CSMD1: variants seen among roughly 807,000 people sequenced by gnomAD.
CSMD1 encodes CUB and sushi domain-containing protein 1.
A neutral mutation model predicts 417.5 loss-of-function variants in CSMD1; 213 were observed. The observed-to-expected ratio is 0.51, with a 90% CI of 0.46 to 0.57. The LOEUF (loss-of-function observed/expected upper bound fraction) is 0.57. Ranked by LOEUF, CSMD1 falls within the 20% of genes least tolerant of loss-of-function variation. The pLI is 0.00. For synonymous variants in CSMD1, 2,862 were observed against 1,736.8 expected (o/e 1.65, Z -16.11); for missense variants, 6,923 against 4,529.7 (o/e 1.53, Z -15.17).
chr8:4,929,033 T>A (rs146535465), intron 1 of CSMD1, among the ~76,000 whole-genome samples: 49 of 152,264 alleles, frequency 3.2e-4, no homozygotes, highest in East Asian at 1.2e-3. Context: ...ATTGCACCAC[T>A]GCATTCCAGC....
At chr8:4,210,893 T>G (rs1441520035) in intron 3 of CSMD1, among the ~76,000 whole-genome samples, 1 of 152,168 alleles carries the variant, frequency 6.6e-6, no homozygotes, top group East Asian at 1.9e-4. Flanking sequence ...CAGACCATAT[T>G]TTCTATAAGA....
At chr8:4,922,736 G>A (rs901121785) in intron 1 of CSMD1, among the ~76,000 whole-genome samples, 17 of 152,022 alleles carry the variant, frequency 1.1e-4, no homozygotes, top group African/African-American at 2.7e-4. Context: ...GTGTTCTCAC[G>A]CCCCTAGATT....
chr8:4,105,207 C>G (rs529965112), intron 3 of CSMD1, among the ~76,000 whole-genome samples: 30 of 152,218 alleles, frequency 2.0e-4, no homozygotes, highest in Non-Finnish European at 3.5e-4. Context: ...ATTCCAAGGG[C>G]AGAAAAAGCT....
intron 3 of CSMD1, among the ~76,000 whole-genome samples, chr8:4,209,079 C>G (rs1031343766): frequency 3.9e-5 from 6 of 151,902 alleles, no homozygotes; most frequent in Admixed American, 3.3e-4. Flanking sequence ...CTTTTTTTGT[C>G]CTCTCTTCAC....
intron 3 of CSMD1, among the ~76,000 whole-genome samples, chr8:4,399,276 G>A (rs17070126): frequency 6.6e-6 from 1 of 152,066 alleles, no homozygotes; most frequent in Non-Finnish European, 1.5e-5. Context: ...AGCAACAAAG[G>A]ACCATCATTA....
At chr8:3,118,962 C>T (rs999640102) in intron 41 of CSMD1, among the ~76,000 whole-genome samples, 4 of 152,254 alleles carry the variant, frequency 2.6e-5, no homozygotes, top group African/African-American at 9.6e-5. Flanking sequence ...GGGAGGATCA[C>T]GAGGTCAGGA....
chr8:3,645,625 G>A (rs577780476), intron 7 of CSMD1, among the ~76,000 whole-genome samples: 18 of 152,236 alleles, frequency 1.2e-4, no homozygotes, highest in East Asian at 5.8e-4. Context: ...GGGAAGAGTC[G>A]GCCTTCTGCA....
In CSMD1 at chr8:4,873,938, A is replaced by G. The variant is rs185064952; in HGVS notation, c.85+120394T>C. 6.2e-4 allele frequency among the ~76,000 whole-genome samples: 95 copies of G among 152,274 alleles called. 1 individual carries two copies. Among genetic ancestry groups the G allele is most frequent in the African/African-American group, 2.2e-3 (93 of 41,508 alleles). On this transcript the variant is annotated intron_variant, in intron 1 of 69. Coordinates refer to ENST00000635120, the MANE Select transcript of CSMD1 (RefSeq NM_033225.6). ...GAAAGAAGGAAGTATGGAAGGGGAA[A>G]AAAAGCAAGGAACTATTTCAAGCTA...
At position 4,796,325 on chromosome 8, in the gene CSMD1, A is replaced by C. The variant is rs114882054; in HGVS notation, c.86-158767T>G. On this transcript the variant is annotated intron_variant, in intron 1 of 69. Coordinates refer to ENST00000635120, the MANE Select transcript of CSMD1 (RefSeq NM_033225.6). ...CATGGAGATGAGATGACAAGCGACCAACGTGATGATCTTCACATATCCTCA... is the reference window on the plus strand; with the variant it reads ...CATGGAGATGAGATGACAAGCGACCCACGTGATGATCTTCACATATCCTCA... 2.3e-3 allele frequency among the ~76,000 whole-genome samples: 357 copies of C among 152,236 alleles called. 4 individuals carry two copies. The highest frequency in any genetic ancestry group is 8.3e-3 in the African/African-American group (346 of 41,550).
intron 3 of CSMD1, among the ~76,000 whole-genome samples, chr8:4,040,630 G>C (rs764466152): frequency 3.3e-5 from 5 of 152,118 alleles, no homozygotes; most frequent in African/African-American, 2.4e-5. Context: ...TGTTTTCTTA[G>C]GTAGAATGGA....
intron 5 of CSMD1, among the ~76,000 whole-genome samples, chr8:3,919,247 T>A (rs1183424293): frequency 1.3e-5 from 2 of 150,498 alleles, no homozygotes; most frequent in Non-Finnish European, 3.0e-5. Flanking sequence ...CCAAGGATTT[T>A]TAAAAAATGT....
intron 3 of CSMD1, among the ~76,000 whole-genome samples, chr8:4,198,950 C>A (rs1441273492): frequency 7.5e-6 from 1 of 133,534 alleles, no homozygotes; most frequent in Non-Finnish European, 1.6e-5. Context: ...GTGTATTTAT[C>A]TTTTTTTAAG....
intron 1 of CSMD1, among the ~76,000 whole-genome samples, chr8:4,845,615 C>T (rs1418194517): frequency 6.6e-6 from 1 of 152,182 alleles, no homozygotes; most frequent in Non-Finnish European, 1.5e-5. Flanking sequence ...GTGCCAGGCT[C>T]TCTTTTAGGA....
intron 2 of CSMD1, among the ~76,000 whole-genome samples, chr8:4,599,293 T>C (rs1228336332): frequency 1.3e-5 from 2 of 152,090 alleles, no homozygotes; most frequent in African/African-American, 4.8e-5. Context: ...CTGTGGTGGA[T>C]CATGTGGCTT....
At chr8:4,094,631 G>A (rs1486331574) in intron 3 of CSMD1, among the ~76,000 whole-genome samples, 10 of 151,708 alleles carry the variant, frequency 6.6e-5, no homozygotes, top group Non-Finnish European at 1.3e-4. Flanking sequence ...TGTCACACAT[G>A]TGGGGACACA....
intron 10 of CSMD1, among the ~76,000 whole-genome samples, chr8:3,544,071 G>A (rs1309765290): frequency 6.6e-6 from 1 of 152,112 alleles, no homozygotes; most frequent in Non-Finnish European, 1.5e-5. Flanking sequence ...AGGCCAAGGT[G>A]TGAGAGGTGT....
At chr8:4,441,076 T>G (rs1475236597) in intron 2 of CSMD1, among the ~76,000 whole-genome samples, 2 of 138,582 alleles carry the variant, frequency 1.4e-5, no homozygotes, top group Non-Finnish European at 3.1e-5. Context: ...TCCTAATAAT[T>G]TGACTCGTTA....
chr8:3,606,512 C>CT (rs11432932), intron 8 of CSMD1, among the ~76,000 whole-genome samples: 107,365 of 151,214 alleles, frequency 0.71, 38,820 homozygotes, highest in Non-Finnish European at 0.79. Flanking sequence ...AGGGTACTCC[C>CT]TATGAATGGA....
rs139823826 is a variant in CSMD1, at chr8:3,205,846, C to A, written c.4868-226G>T. Among the ~76,000 whole-genome samples, 418 of 152,188 alleles carry A rather than the reference C, an allele frequency of 2.7e-3. 2 individuals carry two copies. The highest frequency in any genetic ancestry group is 9.5e-3 in the African/African-American group (393 of 41,522). Reference sequence around the variant, plus strand: ...GAAAAACCTAATATTATTTTCAAGACATTTGTCTCAGATGTATTAAAATAA... The same window carrying A: ...GAAAAACCTAATATTATTTTCAAGAAATTTGTCTCAGATGTATTAAAATAA... On this transcript the variant is annotated intron_variant, in intron 30 of 69. Transcript: ENST00000635120.
Sources: allele counts gnomAD v4.1 joint callset (sites outside exome capture counted in the v4.1 genomes callset), GRCh38; gene constraint gnomAD v4.1.1; transcripts MANE v1.5; gene names NCBI Gene and HGNC (gene_info 2026-07-23, HGNC 2026-07-21).